ATP13A4: variants seen among roughly 807,000 people sequenced by gnomAD.
The protein encoded by ATP13A4 is ATPase 13A4, also known as probable cation-transporting ATPase 13A4.
Under a neutral mutation model 142.5 loss-of-function variants are expected in ATP13A4, and 114 were observed. The observed-to-expected ratio is 0.80, with a 90% CI of 0.69 to 0.93. The LOEUF (loss-of-function observed/expected upper bound fraction) is 0.93. Ranked by LOEUF, ATP13A4 falls within the 40% of genes least tolerant of loss-of-function variation. The probability of loss-of-function intolerance (pLI) is 0.00; values close to 1 mark genes in which losing one functional copy is unlikely to be tolerated. For missense variants in ATP13A4, 1,392 were observed against 1,454.0 expected (o/e 0.96, Z 0.69); for synonymous variants, 488 against 514.8 (o/e 0.95, Z 0.70).
At chr3:193,508,588 G>A (rs1294281797) in intron 2 of ATP13A4, among the ~76,000 whole-genome samples, 7 of 152,136 alleles carry the variant, frequency 4.6e-5, no homozygotes, top group Admixed American at 4.6e-4. Context: ...TATTATAAAG[G>A]ATAATAGTCT....
chr3:193,457,334 T>A (rs767001712), intron 15 of ATP13A4, 45 bp downstream of exon 15: 3 of 1,604,890 alleles, frequency 1.9e-6, no homozygotes, highest in Non-Finnish European at 2.6e-6. Context: ...GAAGAGTTTC[T>A]CTTTGAGTTT....
intron 16 of ATP13A4, among the ~76,000 whole-genome samples, chr3:193,455,179 A>T (rs1415172388): frequency 3.3e-5 from 5 of 151,988 alleles, no homozygotes; most frequent in Non-Finnish European, 7.4e-5. Context: ...TCTACTAAAA[A>T]TACAAAAAAA....
In ATP13A4 at chr3:193,506,570, T is replaced by A. The variant is rs138921345; in HGVS notation, c.235-3931A>T. Among the ~76,000 whole-genome samples, 246 of 152,310 alleles carry A rather than the reference T, an allele frequency of 1.6e-3. 1 individual carries two copies. The highest frequency in any genetic ancestry group is 5.7e-3 in the African/African-American group (237 of 41,572). ...TGCCAGATAAACTTTTAGACTTGAA[T>A]GAAGCAAGCTATCTCGTGATATGGT... On this transcript the variant is annotated intron_variant, in intron 2 of 29. Coordinates refer to ENST00000342695, the MANE Select transcript of ATP13A4 (RefSeq NM_032279.4).
chr3:193,414,149 AAAC>A (rs1393606945), intron 26 of ATP13A4, among the ~76,000 whole-genome samples: 5 of 152,228 alleles, frequency 3.3e-5, no homozygotes, highest in Non-Finnish European at 4.4e-5. Flanking sequence ...TTCCCCCGAT[AAAC>A]AACAACAACA....
intron 1 of ATP13A4, among the ~76,000 whole-genome samples, chr3:193,533,632 G>A (rs1218961449): frequency 2.6e-5 from 4 of 151,856 alleles, no homozygotes; most frequent in Non-Finnish European, 4.4e-5. Context: ...CAGAAAAGGG[G>A]CGGCCGAGTA....
intron 25 of ATP13A4, among the ~76,000 whole-genome samples, chr3:193,419,889 G>T (rs1330656538): frequency 6.7e-6 from 1 of 150,014 alleles, no homozygotes; most frequent in Non-Finnish European, 1.5e-5. Flanking sequence ...TGCCATTTTG[G>T]GTTCTTTGCT....
intron 1 of ATP13A4, among the ~76,000 whole-genome samples, chr3:193,530,994 T>C (rs974245526): frequency 3.3e-5 from 5 of 152,138 alleles, no homozygotes; most frequent in Admixed American, 6.6e-5. Flanking sequence ...TTTGTCCCTT[T>C]ACATCTCAGT....
intron 9 of ATP13A4, among the ~76,000 whole-genome samples, chr3:193,469,261 A>G (rs1340678457): frequency 6.6e-6 from 1 of 152,230 alleles, no homozygotes; most frequent in East Asian, 1.9e-4. Context: ...AAAGTTATAG[A>G]GAAGATAGTT....
chr3:193,488,411 C>T (rs1217967345), intron 7 of ATP13A4, among the ~76,000 whole-genome samples: 1 of 152,032 alleles, frequency 6.6e-6, no homozygotes, highest in Non-Finnish European at 1.5e-5. Context: ...GAAACAGGAC[C>T]TGAACACTGG....
At chr3:193,421,314 A>G (rs1715391044) in intron 25 of ATP13A4, among the ~76,000 whole-genome samples, 1 of 149,588 alleles carries the variant, frequency 6.7e-6, no homozygotes, top group Non-Finnish European at 1.5e-5. Flanking sequence ...ATACTATACA[A>G]GTAAAGCTGT....
chr3:193,446,143 A>G (rs1438337632), intron 18 of ATP13A4, among the ~76,000 whole-genome samples: 1 of 152,184 alleles, frequency 6.6e-6, no homozygotes, highest in Non-Finnish European at 1.5e-5. Flanking sequence ...AGCCTGGACA[A>G]GAGAGCAAGA....
intron 13 of ATP13A4, among the ~76,000 whole-genome samples, chr3:193,460,817 T>C (rs1717905898): frequency 6.6e-6 from 1 of 152,224 alleles, no homozygotes; most frequent in African/African-American, 2.4e-5. Flanking sequence ...TGTCCACCCA[T>C]TTTTATCTGA....
chr3:193,457,082 A>G lies in ATP13A4; in HGVS notation c.1833T>C (p.Ile611=). The G allele has an allele frequency of 6.2e-7, 1 of 1,613,970 alleles. No individual in the cohort carries two copies. Among genetic ancestry groups the G allele is most frequent in the South Asian group, 1.1e-5 (1 of 91,062 alleles). Reference sequence around the variant, plus strand: ...GTCGGTCACCTCCCATCTCTTGGACAATGACTGTCATTCTTTGCAGTGCCG... The same window carrying G: ...GTCGGTCACCTCCCATCTCTTGGACGATGACTGTCATTCTTTGCAGTGCCG... ...FSSALQRMTV[I]VQEMGGDRLA... Residue 611 remains isoleucine (I), a synonymous_variant, in exon 16 of 30, where the codon ATT becomes ATC. Coordinates refer to ENST00000342695, the MANE Select transcript of ATP13A4 (RefSeq NM_032279.4).
rs142984415 is a variant in ATP13A4 at position 193,528,763 on chromosome 3, A to G, written c.61-13892T>C. Among the ~76,000 whole-genome samples, 163 of 152,324 alleles carry G rather than the reference A, an allele frequency of 1.1e-3. 1 individual carries two copies. The highest frequency in any genetic ancestry group is 3.8e-3 in the African/African-American group (159 of 41,578). ...AAAATACAAATAAAAACTTTATATT[A>G]CCACACCCAGAGATCACCACAATTA... On this transcript the variant is annotated intron_variant, in intron 1 of 29. Transcript: ENST00000342695.
intron 14 of ATP13A4, among the ~76,000 whole-genome samples, chr3:193,457,908 A>G (rs924475470): frequency 2.6e-5 from 4 of 152,184 alleles, no homozygotes; most frequent in African/African-American, 7.2e-5. Context: ...CAGGGCAGAG[A>G]CTGTGATATA....
At chr3:193,590,264 T>C (rs1009431552) in intron 1 of ATP13A4, among the ~76,000 whole-genome samples, 4 of 152,090 alleles carry the variant, frequency 2.6e-5, no homozygotes, top group Non-Finnish European at 5.9e-5. Context: ...TGCTGATTGG[T>C]TGGGGATGAA....
intron 1 of ATP13A4, among the ~76,000 whole-genome samples, chr3:193,519,518 T>C (rs1721598555): frequency 6.6e-6 from 1 of 151,932 alleles, no homozygotes; most frequent in Non-Finnish European, 1.5e-5. Context: ...CTCCTTTAAA[T>C]ATTTGCTTTT....
chr3:193,546,854 T>A (rs955895342), intron 1 of ATP13A4, among the ~76,000 whole-genome samples: 1 of 152,226 alleles, frequency 6.6e-6, no homozygotes, highest in Non-Finnish European at 1.5e-5. Flanking sequence ...AAAAGAGAGA[T>A]GACAGTTCCT....
At chr3:193,498,734 C>T (rs980045601) in intron 3 of ATP13A4, among the ~76,000 whole-genome samples, 4 of 152,182 alleles carry the variant, frequency 2.6e-5, no homozygotes, top group African/African-American at 4.8e-5. Flanking sequence ...TGCTAGATTC[C>T]TATTTGAGAA....
Sources: gnomAD v4.1 joint callset for allele counts (sites outside exome capture counted in the v4.1 genomes callset) on GRCh38, gnomAD v4.1.1 for gene constraint, MANE v1.5 for transcripts, NCBI Gene and HGNC (gene_info 2026-07-23, HGNC 2026-07-21) for gene names.